The following DPP10 variants were observed in gnomAD, a reference collection of about 807,000 sequenced individuals.
DPP10 encodes inactive dipeptidyl peptidase 10.
In DPP10, 33 loss-of-function variants were observed where a neutral mutation model predicts 120.9. The ratio of observed to expected loss-of-function variants is 0.27; its 90% CI spans 0.21 to 0.37. DPP10 has a LOEUF of 0.37. Ranked by LOEUF, DPP10 falls within the 10% of genes least tolerant of loss-of-function variation. The probability of loss-of-function intolerance (pLI) is 1.00; values close to 1 mark genes in which losing one functional copy is unlikely to be tolerated. For missense variants in DPP10, 816 were observed against 942.8 expected, an observed-to-expected ratio of 0.87 and a Z score of 1.76; for synonymous variants, 337 against 326.1, an observed-to-expected ratio of 1.03 and a Z score of -0.36.
intron 3 of DPP10, among the ~76,000 whole-genome samples, chr2:115,443,070 C>G (rs1425158196): frequency 6.6e-6 from 1 of 152,130 alleles, no homozygotes; most frequent in Non-Finnish European, 1.5e-5. Flanking sequence ...AATAAAAAGG[C>G]TTTTAAAAAA....
chr2:114,606,841 T>A (rs868069025), intron 1 of DPP10, among the ~76,000 whole-genome samples: 1 of 152,210 alleles, frequency 6.6e-6, no homozygotes, highest in Admixed American at 6.6e-5. Context: ...ACACAAAGTG[T>A]TACTGGGTAT....
intron 1 of DPP10, among the ~76,000 whole-genome samples, chr2:115,276,695 A>G (rs1444533453): frequency 2.0e-5 from 3 of 152,248 alleles, no homozygotes; most frequent in African/African-American, 7.2e-5. Context: ...AGATACAATC[A>G]TCTTTATTGG....
rs371001567 is a variant in DPP10, at chr2:115,081,844, TC to T, written c.61-227394del. ...ATTCACCCTTTGCCTGAGGGCAAACTCTTTAGGGTCTCAGTTTATCAAGAAG... is the reference window on the plus strand; with the variant it reads ...ATTCACCCTTTGCCTGAGGGCAAACTTTTAGGGTCTCAGTTTATCAAGAAG... On this transcript the variant is annotated intron_variant, in intron 1 of 25. Coordinates refer to ENST00000410059, the MANE Select transcript of DPP10 (RefSeq NM_020868.6). Among the ~76,000 whole-genome samples the T allele has an allele frequency of 3.3e-3, 496 of 152,298 alleles. 4 individuals are homozygous for T. Among genetic ancestry groups the T allele is most frequent in the African/African-American group, 9.2e-3 (381 of 41,576 alleles).
intron 1 of DPP10, among the ~76,000 whole-genome samples, chr2:115,178,986 A>G (rs2105125102): frequency 6.6e-6 from 1 of 152,358 alleles, no homozygotes; most frequent in East Asian, 1.9e-4. Flanking sequence ...CCATCTAGAT[A>G]GCATTGGTCT....
intron 1 of DPP10, among the ~76,000 whole-genome samples, chr2:115,298,239 G>A (rs2060974647): frequency 6.6e-6 from 1 of 152,046 alleles, no homozygotes; most frequent in Non-Finnish European, 1.5e-5. Flanking sequence ...TATGGAGGAA[G>A]ATTCATAAGC....
intron 1 of DPP10, among the ~76,000 whole-genome samples, chr2:114,642,993 C>T (rs1356746939): frequency 1.3e-5 from 2 of 151,918 alleles, no homozygotes; most frequent in Non-Finnish European, 2.9e-5. Flanking sequence ...CCTGTTCATA[C>T]ACAAGCTATG....
chr2:114,586,690 G>A (rs2105125045), intron 1 of DPP10, among the ~76,000 whole-genome samples: 1 of 152,280 alleles, frequency 6.6e-6, no homozygotes, highest in Non-Finnish European at 1.5e-5. Context: ...TGTTGGAGGT[G>A]GGGCCTGGTG....
intron 5 of DPP10, among the ~76,000 whole-genome samples, chr2:115,565,453 T>TA (rs995919401): frequency 2.0e-5 from 3 of 152,136 alleles, no homozygotes; most frequent in Admixed American, 1.3e-4. Context: ...AATACATTGA[T>TA]AAAAAAGAAA....
chr2:114,502,336 C>T (rs925473869), intron 1 of DPP10, among the ~76,000 whole-genome samples: 1 of 152,134 alleles, frequency 6.6e-6, no homozygotes, highest in Non-Finnish European at 1.5e-5. Flanking sequence ...AGTTCCATTA[C>T]AAGCATTTTT....
chr2:115,353,515 G>T (rs912854319), intron 3 of DPP10, among the ~76,000 whole-genome samples: 2 of 152,118 alleles, frequency 1.3e-5, no homozygotes, highest in Middle Eastern at 3.4e-3. Context: ...ATTTAAAATT[G>T]CTCTGATAAA....
At chr2:114,926,654 G>C (rs1386953963) in intron 1 of DPP10, among the ~76,000 whole-genome samples, 5 of 152,034 alleles carry the variant, frequency 3.3e-5, no homozygotes, top group African/African-American at 9.7e-5. Context: ...GGGAGAGAAG[G>C]GTCCATGTGT....
intron 5 of DPP10, among the ~76,000 whole-genome samples, chr2:115,608,181 A>C (rs901510172): frequency 1.3e-5 from 2 of 152,070 alleles, no homozygotes; most frequent in African/African-American, 4.8e-5. Context: ...TGAGGTCAGG[A>C]GTTTAAGAGC....
intron 1 of DPP10, among the ~76,000 whole-genome samples, chr2:114,722,080 G>T (rs892035955): frequency 5.3e-5 from 8 of 152,258 alleles, no homozygotes; most frequent in African/African-American, 1.9e-4. Context: ...TATGAGGGAG[G>T]TAAGGGAAGA....
intron 1 of DPP10, among the ~76,000 whole-genome samples, chr2:114,915,282 T>C (rs550528956): frequency 5.4e-4 from 83 of 152,334 alleles, no homozygotes; most frequent in African/African-American, 1.9e-3. Flanking sequence ...TACATAATGA[T>C]AAAGGGTTTA....
chr2:115,274,402 G>A (rs1407162668), intron 1 of DPP10, among the ~76,000 whole-genome samples: 1 of 151,714 alleles, frequency 6.6e-6, no homozygotes, highest in African/African-American at 2.4e-5. Flanking sequence ...TGAATATTTA[G>A]GTGCACTTTG....
At chr2:115,093,713 T>C (rs1709474369) in intron 1 of DPP10, among the ~76,000 whole-genome samples, 1 of 152,074 alleles carries the variant, frequency 6.6e-6, no homozygotes, top group Admixed American at 6.6e-5. Flanking sequence ...CCATTAATTA[T>C]ATACATATAT....
At chr2:115,373,656 G>C (rs1369728631) in intron 3 of DPP10, among the ~76,000 whole-genome samples, 1 of 151,952 alleles carries the variant, frequency 6.6e-6, no homozygotes, top group Non-Finnish European at 1.5e-5. Context: ...AGTTAAAATG[G>C]TAATAAAGTT....
At chr2:115,722,963 C>T in intron 7 of DPP10, among the ~76,000 whole-genome samples, 1 of 152,154 alleles carries the variant, frequency 6.6e-6, no homozygotes, top group African/African-American at 2.4e-5. Flanking sequence ...GGACCCCGGG[C>T]TTACACTCCC....
chr2:114,507,653 T>G (rs1359758819), intron 1 of DPP10, among the ~76,000 whole-genome samples: 1 of 151,758 alleles, frequency 6.6e-6, no homozygotes, highest in African/African-American at 2.4e-5. Flanking sequence ...TCTTGAAGGT[T>G]GGTGGTTGGG....
Sources: allele counts gnomAD v4.1 joint callset (sites outside exome capture counted in the v4.1 genomes callset), GRCh38; gene constraint gnomAD v4.1.1; transcripts MANE v1.5; gene names NCBI Gene and HGNC (gene_info 2026-07-23, HGNC 2026-07-21).